AOAH: variants seen among roughly 807,000 people sequenced by gnomAD.
AOAH encodes the protein acyloxyacyl hydrolase (neutrophil).
AOAH carries 64 observed loss-of-function variants against 92.2 expected under a neutral mutation model. That is an observed-to-expected ratio of 0.69 (90% confidence interval 0.57 to 0.86). The LOEUF is 0.86. AOAH is among the 40% of genes least tolerant of loss of function. The pLI, the probability that AOAH is intolerant of heterozygous loss-of-function variation, is 0.00. For synonymous variants in AOAH, 263 were observed against 254.5 expected (o/e 1.03, Z -0.32); for missense variants, 656 against 694.6 (o/e 0.94, Z 0.62).
At chr7:36,710,709 C>A (rs1798715711) in intron 1 of AOAH, among the ~76,000 whole-genome samples, 1 of 152,128 alleles carries the variant, frequency 6.6e-6, no homozygotes, top group Non-Finnish European at 1.5e-5. Context: ...CTTTGAAACA[C>A]CCAAGATTTG....
chr7:36,550,895 G>T (rs1786186148), intron 13 of AOAH, among the ~76,000 whole-genome samples: 2 of 152,062 alleles, frequency 1.3e-5, no homozygotes, highest in African/African-American at 2.4e-5. Context: ...AGGGTATGCT[G>T]GCCTGTGTCT....
chr7:36,542,307 C>T lies in AOAH; in HGVS notation c.1134-1816G>A, dbSNP rs145807344. Among the ~76,000 whole-genome samples, 70 of 152,296 alleles carry T rather than the reference C, an allele frequency of 4.6e-4. 1 individual carries two copies. In the East Asian group the frequency reaches 0.012, roughly 27 times the overall value. On this transcript the variant is annotated intron_variant, in intron 15 of 20. Coordinates refer to ENST00000617537, the MANE Select transcript of AOAH (RefSeq NM_001637.4). ...AGCTTTCAGAGGGAGCATGGCCCCA[C>T]GGACACCTTGATCTTGGACTTTAAG...
intron 1 of AOAH, among the ~76,000 whole-genome samples, chr7:36,705,890 C>T (rs1033811217): frequency 2.0e-5 from 3 of 152,112 alleles, no homozygotes; most frequent in Admixed American, 1.3e-4. Flanking sequence ...ACAAGCCTGA[C>T]AAGAACAAGC....
intron 5 of AOAH, among the ~76,000 whole-genome samples, chr7:36,634,152 A>C (rs929761331): frequency 6.6e-6 from 1 of 152,178 alleles, no homozygotes; most frequent in Non-Finnish European, 1.5e-5. Flanking sequence ...ACTGCAAAAC[A>C]AGCATCAGCA....
At chr7:36,540,601 C>T (rs1430655326) in intron 15 of AOAH, 110 bp from the exon 16 acceptor site, 2 of 971,462 alleles carry the variant, frequency 2.1e-6, no homozygotes, top group Non-Finnish European at 1.5e-6. Context: ...CACACACACA[C>T]AGTGTGGTGG....
At chr7:36,638,807 C>T (rs1793696148) in intron 4 of AOAH, among the ~76,000 whole-genome samples, 1 of 152,220 alleles carries the variant, frequency 6.6e-6, no homozygotes, top group African/African-American at 2.4e-5. Flanking sequence ...AAAAGATGCT[C>T]TTCAGGTGGG....
chr7:36,565,472 G>C (rs1040971908), intron 13 of AOAH, among the ~76,000 whole-genome samples: 10 of 151,678 alleles, frequency 6.6e-5, no homozygotes, highest in African/African-American at 1.9e-4. Context: ...TTTCCAAAAA[G>C]TTGCAAAAGT....
At chr7:36,539,500 T>A (rs1785280886) in intron 16 of AOAH, among the ~76,000 whole-genome samples, 1 of 152,252 alleles carries the variant, frequency 6.6e-6, no homozygotes, top group African/African-American at 2.4e-5. Context: ...CATTGTAATA[T>A]AAGCTTTCTG....
At chr7:36,664,598 A>C (rs1451635491) in intron 3 of AOAH, among the ~76,000 whole-genome samples, 3 of 152,098 alleles carry the variant, frequency 2.0e-5, no homozygotes, top group Non-Finnish European at 4.4e-5. Context: ...ACCATTCTTG[A>C]TCTTTTGCCT....
At chr7:36,535,044 G>GTGTA in intron 16 of AOAH, among the ~76,000 whole-genome samples, 1 of 96,770 alleles carries the variant, frequency 1.0e-5, no homozygotes, top group East Asian at 2.8e-4. Context: ...GTCTGTGTGT[G>GTGTA]TGTATGTGTC....
intron 20 of AOAH, chr7:36,514,499 T>C (rs910440635): frequency 7.2e-6 from 11 of 1,535,632 alleles, no homozygotes; most frequent in Non-Finnish European, 9.6e-6. Context: ...GCATGTCAGG[T>C]TTCCCTTTAT....
intron 1 of AOAH, among the ~76,000 whole-genome samples, chr7:36,692,910 A>C (rs1177504731): frequency 1.3e-5 from 2 of 152,208 alleles, no homozygotes; most frequent in Non-Finnish European, 2.9e-5. Flanking sequence ...AGCCTCTCAG[A>C]GGAGCTGAGT....
chr7:36,688,723 C>A (rs1428758305), intron 1 of AOAH, among the ~76,000 whole-genome samples: 1 of 151,964 alleles, frequency 6.6e-6, no homozygotes, highest in African/African-American at 2.4e-5. Context: ...TGGGGTCTTA[C>A]CATCTCTAAC....
At position 36,716,536 on chromosome 7, in the gene AOAH, C is replaced by T. The variant is rs942084177; in HGVS notation, c.127+7486G>A. On this transcript the variant is annotated intron_variant, in intron 1 of 20. Coordinates refer to ENST00000617537, the MANE Select transcript of AOAH (RefSeq NM_001637.4). Reference sequence around the variant, plus strand: ...GACACATGCACACGTATGTTTATTGCGGCACTATTCACAATAGCAAAGACT... The same window carrying T: ...GACACATGCACACGTATGTTTATTGTGGCACTATTCACAATAGCAAAGACT... Among the ~76,000 whole-genome samples the T allele has an allele frequency of 3.2e-4, 48 of 149,032 alleles. 2 individuals carry two copies. The highest frequency in any genetic ancestry group is 7.8e-4 in the African/African-American group (31 of 39,586).
chr7:36,560,667 T>C (rs1407895521), intron 13 of AOAH, among the ~76,000 whole-genome samples: 1 of 152,176 alleles, frequency 6.6e-6, no homozygotes, highest in African/African-American at 2.4e-5. Flanking sequence ...GTAAGAATCA[T>C]ATTGTAGTGA....
intron 3 of AOAH, among the ~76,000 whole-genome samples, chr7:36,672,996 C>T (rs576648589): frequency 4.0e-5 from 6 of 151,708 alleles, no homozygotes; most frequent in East Asian, 1.9e-4. Context: ...AGGATGAACA[C>T]GGAATTTAGG....
chr7:36,539,239 C>G (rs1785265670), intron 16 of AOAH, among the ~76,000 whole-genome samples: 1 of 152,158 alleles, frequency 6.6e-6, no homozygotes, highest in Non-Finnish European at 1.5e-5. Context: ...TAAGAAGGTG[C>G]TTGGACTGCC....
chr7:36,664,303 G>T (rs1299800584), intron 3 of AOAH, among the ~76,000 whole-genome samples: 1 of 152,062 alleles, frequency 6.6e-6, no homozygotes, highest in African/African-American at 2.4e-5. Context: ...AGGATGTAAG[G>T]TCTGTGTCTG....
intron 12 of AOAH, among the ~76,000 whole-genome samples, chr7:36,581,516 T>A (rs1361390484): frequency 6.6e-6 from 1 of 152,158 alleles, no homozygotes; most frequent in Non-Finnish European, 1.5e-5. Flanking sequence ...GAAAAACAGA[T>A]GGGAAATGGA....
Sources: allele counts gnomAD v4.1 joint callset (sites outside exome capture counted in the v4.1 genomes callset), GRCh38; gene constraint gnomAD v4.1.1; transcripts MANE v1.5; gene names NCBI Gene and HGNC (gene_info 2026-07-23, HGNC 2026-07-21).